HECW2: variants seen among roughly 807,000 people sequenced by gnomAD.
HECW2 encodes HECT, C2 and WW domain containing E3 ubiquitin protein ligase 2, also known as E3 ubiquitin-protein ligase HECW2.
In HECW2, 61 loss-of-function variants were observed where a neutral mutation model predicts 175.2. The observed-to-expected ratio is 0.35, with a 90% CI of 0.28 to 0.43. HECW2 has a LOEUF of 0.43. Ranked by LOEUF, HECW2 falls within the 20% of genes least tolerant of loss-of-function variation. The pLI is 1.00. For missense variants in HECW2, 1,524 were observed against 2,000.5 expected (o/e 0.76, Z 4.54); for synonymous variants, 671 against 731.0 (o/e 0.92, Z 1.32).
At chr2:196,542,879 T>C (rs1559167640) in intron 1 of HECW2, among the ~76,000 whole-genome samples, 1 of 147,280 alleles carries the variant, frequency 6.8e-6, no homozygotes, top group East Asian at 2.0e-4. Flanking sequence ...CTAATATATA[T>C]CTATATATAG....
chr2:196,436,169 C>T (rs1695865717), intron 1 of HECW2, among the ~76,000 whole-genome samples: 1 of 152,014 alleles, frequency 6.6e-6, no homozygotes, highest in Non-Finnish European at 1.5e-5. Flanking sequence ...GGGAGGCCGA[C>T]GCAGGCGGAT....
intron 1 of HECW2, among the ~76,000 whole-genome samples, chr2:196,568,191 G>A (rs1690248706): frequency 6.6e-6 from 1 of 151,686 alleles, no homozygotes; most frequent in South Asian, 2.1e-4. Flanking sequence ...TAAAAATTTG[G>A]GAAAAAAGTC....
intron 2 of HECW2, among the ~76,000 whole-genome samples, chr2:196,406,137 T>G (rs1015368737): frequency 6.6e-6 from 1 of 152,180 alleles, no homozygotes; most frequent in Non-Finnish European, 1.5e-5. Flanking sequence ...GCTCCATCTA[T>G]GTGCCAGTGA....
intron 1 of HECW2, among the ~76,000 whole-genome samples, chr2:196,502,342 A>G (rs1687604954): frequency 6.6e-6 from 1 of 152,222 alleles, no homozygotes; most frequent in Non-Finnish European, 1.5e-5. Context: ...GAAAATCTGA[A>G]TTAAAAAATT....
At chr2:196,302,456 G>GTA (rs1437002246) in intron 13 of HECW2, among the ~76,000 whole-genome samples, 2 of 152,176 alleles carry the variant, frequency 1.3e-5, no homozygotes, top group Non-Finnish European at 2.9e-5. Flanking sequence ...TGTGAAGAAT[G>GTA]TCAATGGTAG....
At chr2:196,282,220 T>C (rs2105998275) in intron 14 of HECW2, among the ~76,000 whole-genome samples, 1 of 152,314 alleles carries the variant, frequency 6.6e-6, no homozygotes, top group South Asian at 2.1e-4. Context: ...ATAGTACTTC[T>C]GGGAAATCTG....
At chr2:196,567,546 C>T (rs1049299467) in intron 1 of HECW2, among the ~76,000 whole-genome samples, 1 of 152,188 alleles carries the variant, frequency 6.6e-6, no homozygotes, top group Non-Finnish European at 1.5e-5. Context: ...AACCTGTCAC[C>T]TGAGACTCCC....
At chr2:196,278,791 C>T (rs1690075768) in intron 14 of HECW2, 129 bp from the exon 15 acceptor site, 1 of 1,099,940 alleles carries the variant, frequency 9.1e-7, no homozygotes, top group Non-Finnish European at 1.3e-6. Context: ...AATTTTCAAT[C>T]TTTGGGGAAA....
intron 2 of HECW2, among the ~76,000 whole-genome samples, chr2:196,419,922 C>T (rs762427855): frequency 5.3e-5 from 8 of 152,150 alleles, no homozygotes; most frequent in Non-Finnish European, 1.2e-4. Flanking sequence ...TTAATGGAGA[C>T]TCTATCCAGT....
chr2:196,508,456 T>C (rs1275194734), intron 1 of HECW2, among the ~76,000 whole-genome samples: 1 of 152,252 alleles, frequency 6.6e-6, no homozygotes, highest in African/African-American at 2.4e-5. Context: ...GGATGCTCGC[T>C]GAAGCTGATG....
chr2:196,556,105 T>C (rs1407524073), intron 1 of HECW2, among the ~76,000 whole-genome samples: 4 of 152,240 alleles, frequency 2.6e-5, no homozygotes, highest in African/African-American at 9.6e-5. Context: ...AGTTTTAATT[T>C]TATTTGTGCA....
chr2:196,527,488 A>G (rs1002066714), intron 1 of HECW2, among the ~76,000 whole-genome samples: 9 of 152,194 alleles, frequency 5.9e-5, no homozygotes, highest in Non-Finnish European at 1.2e-4. Context: ...CTATTCGGCC[A>G]TCTTGGCTCC....
intron 2 of HECW2, among the ~76,000 whole-genome samples, chr2:196,351,265 C>T (rs1693161911): frequency 6.6e-6 from 1 of 151,482 alleles, no homozygotes; most frequent in South Asian, 2.1e-4. Flanking sequence ...CTTTCTTCCC[C>T]ATAATATTCC....
intron 1 of HECW2, among the ~76,000 whole-genome samples, chr2:196,480,909 C>T (rs1014597127): frequency 5.9e-5 from 9 of 152,168 alleles, no homozygotes; most frequent in African/African-American, 2.4e-5. Context: ...GACATACATG[C>T]ATTGTACTTG....
rs762305340 is a variant in HECW2 at position 196,278,595 on chromosome 2, C to G, written c.3068G>C (p.Ser1023Thr). Reference sequence around the variant, plus strand: ...ATGAACCAGCGCACTTGTGGGTCTACTGCTCTGAAGTGGGAGCCGGGGATC... The same window carrying G: ...ATGAACCAGCGCACTTGTGGGTCTAGTGCTCTGAAGTGGGAGCCGGGGATC... Reference protein sequence around the residue: ...FIDPRLPLQSSRPTSALVHRQ... With the variant: ...FIDPRLPLQSTRPTSALVHRQ... The change falls in exon 15 of 29, where the codon AGT becomes ACT. Residue 1023 changes from serine to threonine, a missense_variant. Ser to Thr is a moderately conservative substitution (Grantham distance 58). Coordinates refer to ENST00000644978, the MANE Select transcript of HECW2 (RefSeq NM_001348768.2). The G allele has an allele frequency of 1.2e-6, 2 of 1,614,122 alleles. No individual in the cohort carries two copies. The highest frequency in any genetic ancestry group is 2.2e-5 in the South Asian group (2 of 91,086).
At chr2:196,554,242 C>A (rs1689713931) in intron 1 of HECW2, among the ~76,000 whole-genome samples, 1 of 151,960 alleles carries the variant, frequency 6.6e-6, no homozygotes, top group South Asian at 2.1e-4. Context: ...AGGAGAATGG[C>A]GTGAACCCGG....
intron 1 of HECW2, among the ~76,000 whole-genome samples, chr2:196,439,805 G>C (rs1349067388): frequency 6.6e-6 from 1 of 152,174 alleles, no homozygotes; most frequent in African/African-American, 2.4e-5. Context: ...AGTTTATGCA[G>C]GGCTGATTAT....
chr2:196,501,988 A>T (rs1186642041), intron 1 of HECW2, among the ~76,000 whole-genome samples: 1 of 152,154 alleles, frequency 6.6e-6, no homozygotes, highest in African/African-American at 2.4e-5. Context: ...AATCCCCACA[A>T]ATGGCTTAGA....
chr2:196,471,429 C>T (rs1290940982), intron 1 of HECW2, among the ~76,000 whole-genome samples: 1 of 152,128 alleles, frequency 6.6e-6, no homozygotes, highest in Non-Finnish European at 1.5e-5. Context: ...GAACTTAAAA[C>T]AGAATTATCA....
Sources: gnomAD v4.1 joint callset for allele counts (sites outside exome capture counted in the v4.1 genomes callset) on GRCh38, gnomAD v4.1.1 for gene constraint, MANE v1.5 for transcripts, NCBI Gene and HGNC (gene_info 2026-07-23, HGNC 2026-07-21) for gene names.